Variants in PDE8B observed in about 807,000 individuals in gnomAD.
The protein encoded by PDE8B is high affinity cAMP-specific and IBMX-insensitive 3',5'-cyclic phosphodiesterase 8B.
A neutral mutation model predicts 101.3 loss-of-function variants in PDE8B; 26 were observed. The ratio of observed to expected loss-of-function variants is 0.26; its 90% CI spans 0.19 to 0.36. The LOEUF (loss-of-function observed/expected upper bound fraction) is 0.36, where lower values mean the gene tolerates loss of function less well. PDE8B is among the 10% of genes least tolerant of loss of function. PDE8B has a pLI of 1.00. For missense variants in PDE8B, 810 were observed against 1,163.1 expected (o/e 0.70, Z 4.42); for synonymous variants, 424 against 429.3 (o/e 0.99, Z 0.15).
upstream of PDE8B, among the ~76,000 whole-genome samples, chr5:77,209,502 G>A (rs538276469): frequency 2.2e-4 from 33 of 152,128 alleles, no homozygotes; most frequent in African/African-American, 3.1e-4. Flanking sequence ...TTATCTCCCC[G>A]TGCCATTGTG....
At chr5:77,338,679 TG>T in intron 6 of PDE8B, among the ~76,000 whole-genome samples, 1 of 152,330 alleles carries the variant, frequency 6.6e-6, no homozygotes, top group African/African-American at 2.4e-5. Flanking sequence ...TTATTATTCC[TG>T]GGGGTCTCTA....
chr5:77,115,743 G>T, the PDE8B span, among the ~76,000 whole-genome samples: 3 of 152,190 alleles, frequency 2.0e-5, no homozygotes, highest in African/African-American at 7.2e-5. Context: ...GCCACGAGTC[G>T]GCCGTTGCCA....
In PDE8B at chr5:77,210,783, C is replaced by T; in HGVS notation, c.-143C>T. ...CTCGGCGGGGGGCACCGCGGCCAGC[C>T]CGACGGAGCGGCGGACACACAGGCC... On this transcript the variant is annotated 5_prime_UTR_variant, in exon 1 of 22. Coordinates refer to ENST00000264917, the MANE Select transcript of PDE8B (RefSeq NM_003719.5). This position sits in a 1 kb window ranked among gnomAD's most constrained non-coding sequence, Gnocchi z 4.9. 1 of 983,112 alleles carries T rather than the reference C, an allele frequency of 1.0e-6. No homozygotes were observed. Among genetic ancestry groups the T allele is most frequent in the Non-Finnish European group, 1.2e-6 (1 of 829,838 alleles). The allele number at this position is 983,112 out of a possible 1,614,324, so 60.9% of individuals were successfully genotyped here. A position where few individuals can be genotyped will look rare whatever the true frequency, so the allele number is the denominator to read the frequency against.
At chr5:77,104,288 C>T in the PDE8B span, among the ~76,000 whole-genome samples, 1 of 152,104 alleles carries the variant, frequency 6.6e-6, no homozygotes. Context: ...GTAGATGTTC[C>T]CTTTATAACC....
intron 1 of PDE8B, among the ~76,000 whole-genome samples, chr5:77,270,154 G>A (rs1281707214): frequency 6.6e-6 from 1 of 152,022 alleles, no homozygotes; most frequent in Non-Finnish European, 1.5e-5. Context: ...TCTTTCATCA[G>A]TGTTTTACAG....
chr5:77,393,059 A>G (rs773159151), intron 10 of PDE8B, among the ~76,000 whole-genome samples: 4 of 152,226 alleles, frequency 2.6e-5, no homozygotes, highest in Non-Finnish European at 5.9e-5. Context: ...GAAGTAATTC[A>G]GGTTTAGCCC....
Position 77,239,027 on chromosome 5 carries a change from A to G in PDE8B, c.339+27763A>G, listed in dbSNP as rs115064199. Among the ~76,000 whole-genome samples, 575 of 152,328 alleles carry G rather than the reference A, an allele frequency of 3.8e-3. 2 individuals carry two copies. The highest frequency in any genetic ancestry group is 0.013 in the African/African-American group (546 of 41,566). ...TACACTCAGATATGTTTTAAAAGCTATCTAGGCATCCCTTAGCCCAGTCAA... is the reference window on the plus strand; with the variant it reads ...TACACTCAGATATGTTTTAAAAGCTGTCTAGGCATCCCTTAGCCCAGTCAA... On this transcript the variant is annotated intron_variant, in intron 1 of 21. Coordinates refer to ENST00000264917, the MANE Select transcript of PDE8B (RefSeq NM_003719.5).
At chr5:77,342,556 A>C (rs1191237250) in intron 6 of PDE8B, among the ~76,000 whole-genome samples, 1 of 151,092 alleles carries the variant, frequency 6.6e-6, no homozygotes, top group South Asian at 2.1e-4. Context: ...GTAAATCAAC[A>C]GTTTTTTTTT....
the PDE8B span, chr5:77,140,754 T>G: frequency 2.0e-5 from 3 of 152,226 alleles, no homozygotes; most frequent in South Asian, 2.1e-4. Context: ...ATACAGCACC[T>G]TCACTCAGCA....
chr5:77,275,728 G>T (rs1384827378), intron 1 of PDE8B, among the ~76,000 whole-genome samples: 1 of 152,236 alleles, frequency 6.6e-6, no homozygotes, highest in Non-Finnish European at 1.5e-5. Context: ...AAATTGTTAT[G>T]AGGATTACAG....
At chr5:77,095,862 T>C in the PDE8B span, among the ~76,000 whole-genome samples, 1 of 152,206 alleles carries the variant, frequency 6.6e-6, no homozygotes, top group African/African-American at 2.4e-5. Flanking sequence ...TGCTCTGATA[T>C]GGACTCTTTT....
intron 10 of PDE8B, among the ~76,000 whole-genome samples, chr5:77,398,713 G>C (rs1791606458): frequency 6.6e-6 from 1 of 152,226 alleles, no homozygotes; most frequent in Non-Finnish European, 1.5e-5. Context: ...CCGGGCCACA[G>C]TGTGATGGTT....
Position 77,331,495 on chromosome 5 carries a change from A to G in PDE8B, c.708+36A>G, listed in dbSNP as rs760104497. 3.9e-6 allele frequency: 6 copies of G among 1,520,334 alleles called. No homozygotes were observed. In the East Asian group the frequency reaches 1.1e-4, roughly 29 times the overall value. 94.2% of individuals were successfully genotyped at this position (1,520,334 alleles called of 1,614,324 possible). ...GATATCCAGCATCTCTCTCAGTTGC[A>G]GGCACCTTAACCCCTAACTCTCCCA... On this transcript the variant is annotated intron_variant, in intron 5 of 21. Transcript: ENST00000264917.
the PDE8B span, chr5:77,140,227 T>A: frequency 6.6e-6 from 1 of 152,228 alleles, no homozygotes; most frequent in African/African-American, 2.4e-5. Context: ...TGACCTTTTT[T>A]TAAATTTATT....
At chr5:77,371,292 G>A (rs929283663) in intron 10 of PDE8B, among the ~76,000 whole-genome samples, 3 of 152,092 alleles carry the variant, frequency 2.0e-5, no homozygotes, top group African/African-American at 7.2e-5. Context: ...TTTTGTGTAT[G>A]GTGTCAGATG....
At chr5:77,305,646 C>T (rs1285438582) in intron 1 of PDE8B, among the ~76,000 whole-genome samples, 1 of 152,078 alleles carries the variant, frequency 6.6e-6, no homozygotes, top group East Asian at 1.9e-4. Flanking sequence ...GACAGGGGCC[C>T]ATTAAAAAGG....
At chr5:77,287,073 C>T (rs1766163914) in intron 1 of PDE8B, among the ~76,000 whole-genome samples, 1 of 152,252 alleles carries the variant, frequency 6.6e-6, no homozygotes, top group South Asian at 2.1e-4. Context: ...TTTAGATTTA[C>T]ACACAAATTT....
intron 7 of PDE8B, among the ~76,000 whole-genome samples, chr5:77,346,201 A>C (rs939868657): frequency 6.6e-6 from 1 of 152,184 alleles, no homozygotes; most frequent in Non-Finnish European, 1.5e-5. Context: ...TGCCCCGTGA[A>C]ATGTATCTGA....
rs2149943569 is a variant in PDE8B at position 77,291,170 on chromosome 5, G to T, written c.340-20824G>T. The T allele has an allele frequency of 6.8e-6, 11 of 1,610,790 alleles. No individual in the cohort carries two copies. In the South Asian group the frequency reaches 1.2e-4, roughly 18 times the overall value. ...CTGCTGTGGGAATAGCTGGCCAGAGGTGTACCACTGCGAGGCGACTGTTTG... is the reference window on the plus strand; with the variant it reads ...CTGCTGTGGGAATAGCTGGCCAGAGTTGTACCACTGCGAGGCGACTGTTTG... On this transcript the variant is annotated intron_variant, in intron 1 of 21. Coordinates refer to ENST00000264917, the MANE Select transcript of PDE8B (RefSeq NM_003719.5).
Sources: gnomAD v4.1 joint callset for allele counts (sites outside exome capture counted in the v4.1 genomes callset) on GRCh38, gnomAD v4.1.1 for gene constraint, Gnocchi (gnomAD v3.1) non-coding constraint, MANE v1.5 for transcripts, NCBI Gene and HGNC (gene_info 2026-07-23, HGNC 2026-07-21) for gene names.